The following ZNF616 variants were observed in gnomAD, a reference collection of about 807,000 sequenced individuals.
The protein encoded by ZNF616 is zinc finger protein 616.
A neutral mutation model predicts 7.6 loss-of-function variants in ZNF616; 5 were observed. The ratio of observed to expected loss-of-function variants is 0.66; its 90% CI spans 0.34 to 1.38. The LOEUF (loss-of-function observed/expected upper bound fraction) is 1.38, where lower values mean the gene tolerates loss of function less well. ZNF616 is among the 40% of genes most tolerant of loss of function. ZNF616 has a pLI of 0.04. For synonymous variants in ZNF616, 319 were observed against 317.2 expected, an observed-to-expected ratio of 1.01 and a Z score of -0.06; for missense variants, 913 against 948.3, an observed-to-expected ratio of 0.96 and a Z score of 0.49.
intron 2 of ZNF616, among the ~76,000 whole-genome samples, chr19:52,128,400 A>T (rs937820761): frequency 6.6e-6 from 1 of 152,110 alleles, no homozygotes; most frequent in Non-Finnish European, 1.5e-5. Context: ...TTAAATTTTT[A>T]AAATATATAT....
Position 52,114,747 on chromosome 19 carries a change from A to G in ZNF616, c.*71T>C. On this transcript the variant is annotated 3_prime_UTR_variant, in exon 4 of 4. Coordinates refer to ENST00000600228, the MANE Select transcript of ZNF616 (RefSeq NM_178523.5). The stretch of plus-strand genomic sequence containing the variant: ...ATTACAATTCCACAGGGATTTCAAG[A>G]GAAGGGGTAAATATACAAGGTATAT... The G allele has an allele frequency of 6.7e-7, 1 of 1,487,952 alleles. No homozygotes were observed. Among genetic ancestry groups the G allele is most frequent in the Non-Finnish European group, 9.0e-7 (1 of 1,113,324 alleles). 92.2% of individuals were successfully genotyped at this position (1,487,952 alleles called of 1,614,324 possible).
intron 1 of ZNF616, among the ~76,000 whole-genome samples, chr19:52,134,281 G>A (rs1361669291): frequency 1.3e-5 from 2 of 152,204 alleles, no homozygotes; most frequent in Non-Finnish European, 2.9e-5. Flanking sequence ...AGGTTTGAGG[G>A]AAGCACATCT....
At chr19:52,127,382 C>T (rs929447348) in intron 2 of ZNF616, among the ~76,000 whole-genome samples, 3 of 152,106 alleles carry the variant, frequency 2.0e-5, no homozygotes, top group African/African-American at 4.8e-5. Context: ...TAATATGTGG[C>T]TGTGTTGTGT....
intron 2 of ZNF616, among the ~76,000 whole-genome samples, chr19:52,126,291 C>T (rs1016874428): frequency 9.9e-5 from 15 of 152,112 alleles, no homozygotes; most frequent in Non-Finnish European, 5.9e-5. Flanking sequence ...ACTTTCAGAA[C>T]GCCAGGCAGG....
chr19:52,135,182 T>A (rs2088996835), intron 1 of ZNF616, among the ~76,000 whole-genome samples: 1 of 151,898 alleles, frequency 6.6e-6, no homozygotes, highest in Admixed American at 6.6e-5. Flanking sequence ...TTCCTTGGGG[T>A]CCACACCCTT....
At position 52,116,954 on chromosome 19, in the gene ZNF616, T is replaced by C. The variant is rs1429281800; in HGVS notation, c.210A>G (p.Gln70=). The C allele has an allele frequency of 1.2e-6, 2 of 1,613,386 alleles. No homozygotes were observed. Among genetic ancestry groups the C allele is most frequent in the Middle Eastern group, 3.3e-4 (2 of 6,058 alleles). ...TENSNTGERF[Q]TVALERHQSY... ...TTTGATGTCTTTCCAGTGCCACTGT[T>C]TGGAACCTTTCTCCTGTATTACTGT... is the stretch of plus-strand genomic sequence containing the variant. Residue 70 remains glutamine, a synonymous_variant, in exon 4 of 4, where the codon CAA becomes CAG. Transcript: ENST00000600228.
intron 1 of ZNF616, among the ~76,000 whole-genome samples, chr19:52,135,147 C>T (rs1378782686): frequency 2.6e-5 from 4 of 152,164 alleles, no homozygotes; most frequent in Admixed American, 1.3e-4. Context: ...ACGTTCCCCT[C>T]CTAAACTGAG....
chr19:52,128,188 A>T (rs1369948136), intron 2 of ZNF616, among the ~76,000 whole-genome samples: 2 of 128,364 alleles, frequency 1.6e-5, no homozygotes, highest in African/African-American at 4.2e-5. Context: ...CCACCCAATA[A>T]AAAAAAAAAA....
chr19:52,116,244 C>A lies in ZNF616; in HGVS notation c.920G>T (p.Ser307Ile). The change falls in exon 4 of 4, where the codon AGT (serine) becomes ATT (isoleucine). Residue 307 changes from serine to isoleucine, a missense_variant. Physicochemically the swap from Ser to Ile is moderately radical, Grantham distance 142. Coordinates refer to ENST00000600228, the MANE Select transcript of ZNF616 (RefSeq NM_178523.5). ...ATGAAGTCTAAGATGGACACGCTGA[C>A]TAAAGGATTTCCCACACAGATTACA... Reference protein sequence around the residue: ...YKCNLCGKSFSQRVHLRLHQT... With the variant: ...YKCNLCGKSFIQRVHLRLHQT... 6.2e-7 allele frequency: 1 copy of A among 1,614,116 alleles called. No individual in the cohort carries two copies. The highest frequency in any genetic ancestry group is 8.5e-7 in the Non-Finnish European group (1 of 1,180,020).
In ZNF616 at chr19:52,128,795, A is replaced by G. The variant is rs189304810; in HGVS notation, c.12+1706T>C. ...CCTTGATGCCCATTTTTGTTTGCTGATAAATTACATTGTGTATATTTAAGG... is the reference window on the plus strand; with the variant it reads ...CCTTGATGCCCATTTTTGTTTGCTGGTAAATTACATTGTGTATATTTAAGG... On this transcript the variant is annotated intron_variant, in intron 2 of 3. Transcript: ENST00000600228. Among the ~76,000 whole-genome samples, 403 of 151,586 alleles carry G rather than the reference A, an allele frequency of 2.7e-3. 1 individual carries two copies. Among genetic ancestry groups the G allele is most frequent in the African/African-American group, 9.5e-3 (392 of 41,394 alleles).
chr19:52,123,870 A>T, intron 3 of ZNF616, 53 bp downstream of exon 3: 3 of 1,610,502 alleles, frequency 1.9e-6, no homozygotes, highest in Non-Finnish European at 2.5e-6. Context: ...AACAGAGGAA[A>T]TACAAAAATG....
Position 52,131,040 on chromosome 19 carries a change from G to A in ZNF616, c.-76-452C>T, listed in dbSNP as rs147969822. 1.8e-3 allele frequency among the ~76,000 whole-genome samples: 278 copies of A among 152,224 alleles called. 1 individual carries two copies. The highest frequency in any genetic ancestry group is 5.9e-3 in the African/African-American group (245 of 41,536). On this transcript the variant is annotated intron_variant, in intron 1 of 3. Coordinates refer to ENST00000600228, the MANE Select transcript of ZNF616 (RefSeq NM_178523.5). ...TCCCAGCACTTTGGGAGGTCGAGGC[G>A]GGTGGATACCTGAGGTCAGGAATTC... is the stretch of plus-strand genomic sequence containing the variant.
At position 52,116,501 on chromosome 19, in the gene ZNF616, G is replaced by C; in HGVS notation, c.663C>G (p.Ala221=). 10 of 1,614,068 alleles carry C rather than the reference G, an allele frequency of 6.2e-6. No individual in the cohort carries two copies. The highest frequency in any genetic ancestry group is 7.6e-6 in the Non-Finnish European group (9 of 1,180,016). Residue 221 remains alanine (A), a synonymous_variant, in exon 4 of 4, where the codon GCC becomes GCG. Coordinates refer to ENST00000600228, the MANE Select transcript of ZNF616 (RefSeq NM_178523.5). ...CAGTTAGTAGTGAGGCCCGATGAAA[G>C]GCTTTGCCACACTCATTGCATTTGT... ...KPYKCNECGK[A]FHRASLLTVH... is the part of the protein sequence containing the mutation.
rs369670007 is a variant in ZNF616, at chr19:52,115,973, T to G, written c.1191A>C (p.Ala397=). Residue 397 remains alanine, a synonymous_variant, in exon 4 of 4, where the codon GCA becomes GCC. Coordinates refer to ENST00000600228, the MANE Select transcript of ZNF616 (RefSeq NM_178523.5). ...CTACAGTGTGAATTCGTCGATGCAC[T>G]GCAAGACTTGAACGTTTACTGAAGA... ...GKVFSKRSSL[A]VHRRIHTVEK... 1.1e-4 allele frequency: 183 copies of G among 1,614,096 alleles called. No individual in the cohort carries two copies. The highest frequency in any genetic ancestry group is 1.4e-4 in the Non-Finnish European group (169 of 1,180,046).
intron 1 of ZNF616, among the ~76,000 whole-genome samples, chr19:52,132,130 T>G (rs928979606): frequency 1.3e-5 from 2 of 152,244 alleles, no homozygotes; most frequent in African/African-American, 4.8e-5. Context: ...CTTTTCTTTA[T>G]CATTTGAATT....
chr19:52,138,861 C>T (rs373998355), intron 1 of ZNF616: 1 of 152,546 alleles, frequency 6.6e-6, no homozygotes, highest in African/African-American at 2.4e-5. Context: ...CTCCTTCAGT[C>T]CCAGCACCAC....
At chr19:52,130,459 C>T in intron 2 of ZNF616, 42 bp downstream of exon 2, 1 of 1,545,000 alleles carries the variant, frequency 6.5e-7, no homozygotes, top group Non-Finnish European at 9.0e-7. Flanking sequence ...ACAGAATGAC[C>T]CACCAAGAAT....
intron 1 of ZNF616, among the ~76,000 whole-genome samples, chr19:52,131,477 T>G (rs2088960055): frequency 6.6e-6 from 1 of 152,186 alleles, no homozygotes; most frequent in Non-Finnish European, 1.5e-5. Context: ...GACCTCCCCT[T>G]GGGGCCTTGC....
intron 1 of ZNF616, among the ~76,000 whole-genome samples, chr19:52,130,839 T>C (rs2088952622): frequency 6.6e-6 from 1 of 152,220 alleles, no homozygotes. Flanking sequence ...TGAGCTCCCA[T>C]TCAGGGCACG....
Sources: allele counts gnomAD v4.1 joint callset (sites outside exome capture counted in the v4.1 genomes callset), GRCh38; gene constraint gnomAD v4.1.1; transcripts MANE v1.5; gene names NCBI Gene and HGNC (gene_info 2026-07-23, HGNC 2026-07-21).